Variants in FHL2 observed in about 807,000 individuals in gnomAD.
FHL2 encodes four and a half LIM domains protein 2.
FHL2 carries 20 observed loss-of-function variants against 32.7 expected under a neutral mutation model. That is an observed-to-expected ratio of 0.61 (90% CI 0.43 to 0.89). The LOEUF is 0.89. Ranked by LOEUF, FHL2 falls within the 40% of genes least tolerant of loss-of-function variation. FHL2 has a pLI of 0.00. For synonymous variants in FHL2, 123 were observed against 128.1 expected (o/e 0.96, Z 0.27); for missense variants, 311 against 358.6 (o/e 0.87, Z 1.07).
At chr2:105,392,011 C>T (rs1407936543) in intron 2 of FHL2, among the ~76,000 whole-genome samples, 3 of 152,204 alleles carry the variant, frequency 2.0e-5, no homozygotes. Flanking sequence ...ATTACCCCTT[C>T]GGCCCTGAAT....
In FHL2 at chr2:105,395,265, G is replaced by A. The variant is rs566751660; in HGVS notation, c.-25+1382C>T. 5.9e-5 allele frequency among the ~76,000 whole-genome samples: 9 copies of A among 152,326 alleles called. No individual in the cohort carries two copies. The South Asian group carries it at 1.0e-3, about 18-fold the overall frequency. ...ACACGCTAGAATGGCGGGTGGCCTC[G>A]GGTCCGTCAATCACACCAGTGTGGG... On this transcript the variant is annotated intron_variant, in intron 2 of 6. Transcript: ENST00000530340.
At position 105,373,548 on chromosome 2, in the gene FHL2, T is replaced by C. The variant is rs1168934657; in HGVS notation, c.331+11A>G. The C allele has an allele frequency of 1.2e-6, 2 of 1,613,674 alleles. No homozygotes were observed. The highest frequency in any genetic ancestry group is 2.7e-5 in the African/African-American group (2 of 74,792). On this transcript the variant is annotated intron_variant, in intron 4 of 6. Coordinates refer to ENST00000530340, the MANE Select transcript of FHL2 (RefSeq NM_001318895.3). ...GACTGGCTCACGCATGAGAAAGGAG[T>C]GCCTCCTGACCTGGCATGATGGTCT...
chr2:105,396,933 A>G, intron 1 of FHL2: 1 of 419,008 alleles, frequency 2.4e-6, no homozygotes, highest in South Asian at 3.2e-5. Flanking sequence ...CTGACAAAGG[A>G]GGCTGCCTGA....
chr2:105,415,230 T>C (rs1277467204), intron 1 of FHL2, among the ~76,000 whole-genome samples: 1 of 151,998 alleles, frequency 6.6e-6, no homozygotes, highest in East Asian at 1.9e-4. Context: ...CAAGACAGGG[T>C]GTTAAGTGAA....
intron 1 of FHL2, among the ~76,000 whole-genome samples, chr2:105,437,432 C>G (rs79386374): frequency 1.3e-5 from 2 of 151,910 alleles, no homozygotes; most frequent in Admixed American, 6.6e-5. Flanking sequence ...TATTATGTAT[C>G]GATAAAATTT....
chr2:105,386,295 A>C, intron 3 of FHL2, 66 bp downstream of exon 3: 2 of 1,570,096 alleles, frequency 1.3e-6, no homozygotes. Context: ...GCTTCAGCAC[A>C]AACCACAGAG....
intron 2 of FHL2, among the ~76,000 whole-genome samples, chr2:105,394,853 C>T: frequency 6.6e-6 from 1 of 152,084 alleles, no homozygotes; most frequent in African/African-American, 2.4e-5. Flanking sequence ...AATAAATAAA[C>T]ATCTTCATCT....
chr2:105,362,133 T>C (rs1680316621), intron 6 of FHL2, among the ~76,000 whole-genome samples: 1 of 152,224 alleles, frequency 6.6e-6, no homozygotes, highest in African/African-American at 2.4e-5. Flanking sequence ...CTTAATGTTA[T>C]AAACATTTAC....
At chr2:105,434,150 A>G (rs920302211) in intron 1 of FHL2, among the ~76,000 whole-genome samples, 1 of 152,232 alleles carries the variant, frequency 6.6e-6, no homozygotes, top group African/African-American at 2.4e-5. Flanking sequence ...TAAAACATTC[A>G]TAGATTTTGC....
At chr2:105,411,100 C>T (rs1433126164) in intron 1 of FHL2, among the ~76,000 whole-genome samples, 1 of 152,138 alleles carries the variant, frequency 6.6e-6, no homozygotes, top group African/African-American at 2.4e-5. Flanking sequence ...AAGAGAAGTA[C>T]CAGCGAGCCT....
At chr2:105,412,190 T>C (rs1055574196) in intron 1 of FHL2, among the ~76,000 whole-genome samples, 2 of 152,232 alleles carry the variant, frequency 1.3e-5, no homozygotes, top group African/African-American at 4.8e-5. Context: ...CAGGCTTCCA[T>C]AGATAGGTGA....
chr2:105,384,755 G>T (rs1185458668), intron 3 of FHL2, among the ~76,000 whole-genome samples: 1 of 152,192 alleles, frequency 6.6e-6, no homozygotes, highest in African/African-American at 2.4e-5. Flanking sequence ...TGATTCACCC[G>T]CCTTGGCCTC....
chr2:105,357,785 A>G (rs1223014453), downstream of FHL2: 1 of 152,136 alleles, frequency 6.6e-6, no homozygotes, highest in Non-Finnish European at 1.5e-5. Flanking sequence ...ATGGAGGAAC[A>G]ACTGTAATTG....
chr2:105,385,701 G>A (rs1682255830), intron 3 of FHL2, among the ~76,000 whole-genome samples: 1 of 152,298 alleles, frequency 6.6e-6, no homozygotes, highest in South Asian at 2.1e-4. Flanking sequence ...CAGCAATCCA[G>A]GTTGGAACAA....
upstream of FHL2, chr2:105,399,616 A>G: frequency 2.6e-6 from 4 of 1,525,504 alleles, no homozygotes; most frequent in South Asian, 1.2e-5. Context: ...TCTCGGGGCC[A>G]GAAGACTAGT....
At chr2:105,358,779 T>C (rs1680109889), downstream of FHL2, 1 of 152,198 alleles carries the variant, frequency 6.6e-6, no homozygotes, top group Non-Finnish European at 1.5e-5. Context: ...CAGTCAATGC[T>C]TTTAGCCTTG....
chr2:105,434,591 C>A (rs924529700), intron 1 of FHL2, among the ~76,000 whole-genome samples: 3 of 150,882 alleles, frequency 2.0e-5, no homozygotes, highest in African/African-American at 7.3e-5. Flanking sequence ...AACAAACAAA[C>A]AAAAAAAACA....
intron 2 of FHL2, among the ~76,000 whole-genome samples, chr2:105,396,087 T>C (rs1235982035): frequency 6.6e-6 from 1 of 152,168 alleles, no homozygotes; most frequent in East Asian, 1.9e-4. Context: ...GTGGGGAGAC[T>C]TTTTAAATAG....
At chr2:105,365,813 A>G (rs747443105) in intron 5 of FHL2, among the ~76,000 whole-genome samples, 2 of 151,928 alleles carry the variant, frequency 1.3e-5, no homozygotes. Flanking sequence ...CCACTGTACT[A>G]CAGCCCAGGT....
Sources: gnomAD v4.1 joint callset for allele counts (sites outside exome capture counted in the v4.1 genomes callset) on GRCh38, gnomAD v4.1.1 for gene constraint, MANE v1.5 for transcripts, NCBI Gene and HGNC (gene_info 2026-07-23, HGNC 2026-07-21) for gene names.